THSD7B: variants seen among roughly 807,000 people sequenced by gnomAD.
THSD7B encodes the protein thrombospondin type-1 domain-containing protein 7B.
A neutral mutation model predicts 213.6 loss-of-function variants in THSD7B; 138 were observed. The ratio of observed to expected loss-of-function variants is 0.65; its 90% CI spans 0.56 to 0.74. THSD7B has a LOEUF of 0.74. Ranked by LOEUF, THSD7B falls within the 30% of genes least tolerant of loss-of-function variation. THSD7B has a pLI of 0.00. For synonymous variants in THSD7B, 742 were observed against 687.0 expected (o/e 1.08, Z -1.25); for missense variants, 1,931 against 1,991.5 (o/e 0.97, Z 0.58).
intron 7 of THSD7B, among the ~76,000 whole-genome samples, chr2:137,213,466 G>T (rs898402624): frequency 1.4e-5 from 2 of 147,246 alleles, no homozygotes; most frequent in African/African-American, 4.9e-5. Context: ...GTCATATTAA[G>T]TTTATATTAG....
intron 12 of THSD7B, among the ~76,000 whole-genome samples, chr2:137,297,155 C>A (rs1292167339): frequency 2.0e-5 from 3 of 147,916 alleles, no homozygotes; most frequent in Non-Finnish European, 3.0e-5. Context: ...TAGTGGCTTG[C>A]ACCTGTAGTG....
intron 7 of THSD7B, among the ~76,000 whole-genome samples, chr2:137,172,697 G>A (rs187890169): frequency 6.6e-6 from 1 of 152,268 alleles, no homozygotes; most frequent in Admixed American, 6.5e-5. Flanking sequence ...AGGAGTTGTG[G>A]GAACCCCGAT....
At chr2:136,911,998 G>T (rs1005390607) in intron 2 of THSD7B, among the ~76,000 whole-genome samples, 4 of 152,014 alleles carry the variant, frequency 2.6e-5, no homozygotes, top group Non-Finnish European at 4.4e-5. Context: ...GTTGGATAGC[G>T]GAATGCAGGA....
In THSD7B at chr2:136,808,852, A is replaced by G. The variant is rs536781963; in HGVS notation, c.-36+43165A>G. Among the ~76,000 whole-genome samples, 78 of 152,330 alleles carry G rather than the reference A, an allele frequency of 5.1e-4. 1 individual carries two copies. Among genetic ancestry groups the G allele is most frequent in the African/African-American group, 1.7e-3 (71 of 41,580 alleles). ...TGGAGTTTTGCCAGGTTACTTGCCA[A>G]TTATGGCTAATTTTCTTTTAGGAGT... On this transcript the variant is annotated intron_variant, in intron 1 of 27. Coordinates refer to ENST00000409968, the MANE Select transcript of THSD7B (RefSeq NM_001316349.2).
intron 27 of THSD7B, among the ~76,000 whole-genome samples, chr2:137,674,192 A>G (rs1683644471): frequency 6.6e-6 from 1 of 152,232 alleles, no homozygotes; most frequent in African/African-American, 2.4e-5. Context: ...AGGATTGTCT[A>G]ATTTCTCCTT....
intron 2 of THSD7B, among the ~76,000 whole-genome samples, chr2:136,888,410 T>C (rs954388646): frequency 1.3e-5 from 2 of 152,100 alleles, no homozygotes; most frequent in African/African-American, 2.4e-5. Flanking sequence ...TTGAATGTAC[T>C]TTAAGGAAAA....
intron 14 of THSD7B, 78 bp from the exon 15 acceptor site, chr2:137,450,767 T>A: frequency 1.7e-6 from 2 of 1,172,916 alleles, no homozygotes; most frequent in Non-Finnish European, 2.3e-6. Context: ...AAATCCAAAC[T>A]GTGATCATGG....
At chr2:137,057,346 G>T in intron 3 of THSD7B, 116 bp downstream of exon 3, 1 of 1,126,700 alleles carries the variant, frequency 8.9e-7, no homozygotes, top group African/African-American at 1.6e-5. Flanking sequence ...TTATAATTTA[G>T]GTTTTTAGAA....
At chr2:136,982,874 G>T (rs965108125) in intron 2 of THSD7B, among the ~76,000 whole-genome samples, 3 of 152,108 alleles carry the variant, frequency 2.0e-5, no homozygotes, top group Admixed American at 1.3e-4. Flanking sequence ...GAACTGGAAA[G>T]ATTGTAAATT....
rs939024806 is a variant in THSD7B, at chr2:137,548,833, T to A, written c.3139-14388T>A. 5.9e-5 allele frequency among the ~76,000 whole-genome samples: 9 copies of A among 152,090 alleles called. No individual in the cohort carries two copies. In the East Asian group the frequency reaches 1.5e-3, roughly 26 times the overall value. ...GTAGGATTTCTCTGCCTAAGGAGTGTGTGTCTTAAATTATATTGCTTCTTT... is the reference window on the plus strand; with the variant it reads ...GTAGGATTTCTCTGCCTAAGGAGTGAGTGTCTTAAATTATATTGCTTCTTT... On this transcript the variant is annotated intron_variant, in intron 15 of 27. Coordinates refer to ENST00000409968, the MANE Select transcript of THSD7B (RefSeq NM_001316349.2).
chr2:137,618,568 A>G (rs1049525700), intron 19 of THSD7B, 61 bp downstream of exon 19: 1 of 1,455,902 alleles, frequency 6.9e-7, no homozygotes, highest in Non-Finnish European at 9.5e-7. Context: ...ATTGGTCTGC[A>G]GTTCCATGAT....
At chr2:137,573,237 G>GAA (rs986677979) in intron 17 of THSD7B, among the ~76,000 whole-genome samples, 1 of 151,854 alleles carries the variant, frequency 6.6e-6, no homozygotes, top group Non-Finnish European at 1.5e-5. Flanking sequence ...AGTAAACACT[G>GAA]AAAAAAATGA....
intron 14 of THSD7B, among the ~76,000 whole-genome samples, chr2:137,450,492 T>G (rs1687626956): frequency 6.6e-6 from 1 of 152,158 alleles, no homozygotes; most frequent in Non-Finnish European, 1.5e-5. Flanking sequence ...TTATAATCCC[T>G]CTTCTAGACA....
chr2:137,152,701 C>T (rs1022392210), intron 5 of THSD7B, among the ~76,000 whole-genome samples: 2 of 152,154 alleles, frequency 1.3e-5, no homozygotes, highest in Non-Finnish European at 2.9e-5. Context: ...GACTTGCTTT[C>T]ATTTAACTGT....
rs114077672 is a variant in THSD7B at position 137,101,085 on chromosome 2, G to A, written c.1199+5964G>A. 1.5e-3 allele frequency among the ~76,000 whole-genome samples: 229 copies of A among 152,246 alleles called. 3 individuals are homozygous for A. Among genetic ancestry groups the A allele is most frequent in the African/African-American group, 5.3e-3 (220 of 41,536 alleles). ...GACTCTCCCTCTGTCTCCCAGGCTG[G>A]AATGGAGTGGCGTGATCTCAGCTCA... On this transcript the variant is annotated intron_variant, in intron 4 of 27. Transcript: ENST00000409968.
intron 5 of THSD7B, among the ~76,000 whole-genome samples, chr2:137,149,314 G>A (rs1679767593): frequency 1.3e-5 from 2 of 152,188 alleles, no homozygotes; most frequent in African/African-American, 4.8e-5. Context: ...CCCTCATGGA[G>A]AACTTCTGCT....
At chr2:137,171,249 T>C (rs1169861652) in intron 7 of THSD7B, among the ~76,000 whole-genome samples, 1 of 152,134 alleles carries the variant, frequency 6.6e-6, no homozygotes, top group Non-Finnish European at 1.5e-5. Context: ...GTTCAACTTA[T>C]CAATATAAAA....
intron 2 of THSD7B, among the ~76,000 whole-genome samples, chr2:137,045,052 C>T (rs1342646427): frequency 2.0e-5 from 3 of 152,200 alleles, no homozygotes; most frequent in African/African-American, 7.2e-5. Flanking sequence ...TACTTATGTA[C>T]TGTGGCTGTA....
intron 12 of THSD7B, among the ~76,000 whole-genome samples, chr2:137,312,616 T>C (rs1225770386): frequency 6.6e-6 from 1 of 151,252 alleles, no homozygotes; most frequent in Non-Finnish European, 1.5e-5. Flanking sequence ...CAATTTTGGA[T>C]CTTTCCTGCT....
Sources: allele counts gnomAD v4.1 joint callset (sites outside exome capture counted in the v4.1 genomes callset), GRCh38; gene constraint gnomAD v4.1.1; transcripts MANE v1.5; gene names NCBI Gene and HGNC (gene_info 2026-07-23, HGNC 2026-07-21).